AKAP7: variants seen among roughly 807,000 people sequenced by gnomAD.
AKAP7 encodes the protein A-kinase anchoring protein 7.
In AKAP7, 39 loss-of-function variants were observed where a neutral mutation model predicts 39.5. The observed-to-expected ratio is 0.99, with a 90% CI of 0.76 to 1.29. AKAP7 has a LOEUF of 1.29. Ranked by LOEUF, AKAP7 falls within the 50% of genes most tolerant of loss-of-function variation. AKAP7 has a pLI of 0.00. For synonymous variants in AKAP7, 140 were observed against 139.1 expected (o/e 1.01, Z -0.05); for missense variants, 414 against 407.7 (o/e 1.02, Z -0.13).
intron 7 of AKAP7, among the ~76,000 whole-genome samples, chr6:131,231,596 A>G (rs867453279): frequency 6.6e-6 from 1 of 152,146 alleles, no homozygotes; most frequent in Non-Finnish European, 1.5e-5. Context: ...ACTACAAGGT[A>G]TTTATTTATT....
intron 1 of AKAP7, among the ~76,000 whole-genome samples, chr6:131,136,371 A>T (rs758864887): frequency 1.3e-5 from 2 of 152,230 alleles, no homozygotes; most frequent in South Asian, 4.1e-4. Context: ...GGGTCCGCAA[A>T]CCAATTAGAG....
At chr6:131,160,454 C>A (rs1433617156) in intron 3 of AKAP7, among the ~76,000 whole-genome samples, 9 of 152,368 alleles carry the variant, frequency 5.9e-5, no homozygotes, top group African/African-American at 2.2e-4. Flanking sequence ...TCATAGCTCA[C>A]TGCAGCTTTG....
chr6:131,180,417 C>CA (rs1475588585), intron 5 of AKAP7, among the ~76,000 whole-genome samples: 3 of 152,126 alleles, frequency 2.0e-5, no homozygotes, highest in Non-Finnish European at 4.4e-5. Context: ...AAACAAAAAA[C>CA]AAAGTTAAAA....
chr6:131,151,833 C>T (rs1426331472), intron 2 of AKAP7, among the ~76,000 whole-genome samples: 1 of 152,154 alleles, frequency 6.6e-6, no homozygotes, highest in East Asian at 1.9e-4. Context: ...AAGATTTTAG[C>T]TGCCTAAATA....
intron 7 of AKAP7, among the ~76,000 whole-genome samples, chr6:131,253,937 C>G (rs1027003208): frequency 1.3e-5 from 2 of 152,002 alleles, no homozygotes; most frequent in Admixed American, 6.6e-5. Flanking sequence ...CAGTAAACAT[C>G]GGGGTGCAGG....
At chr6:131,245,243 CTT>C (rs1240021057) in intron 7 of AKAP7, among the ~76,000 whole-genome samples, 3 of 135,198 alleles carry the variant, frequency 2.2e-5, no homozygotes. Context: ...GAGTTGAATT[CTT>C]TTTTTTTTTT....
intron 5 of AKAP7, among the ~76,000 whole-genome samples, chr6:131,189,393 A>G (rs1806183545): frequency 6.6e-6 from 1 of 152,224 alleles, no homozygotes; most frequent in African/African-American, 2.4e-5. Context: ...GATTATTCTC[A>G]AATTGGAGAT....
At chr6:131,126,248 C>G in the AKAP7 span, among the ~76,000 whole-genome samples, 1 of 152,138 alleles carries the variant, frequency 6.6e-6, no homozygotes, top group Non-Finnish European at 1.5e-5. Flanking sequence ...GCTGTCTTTT[C>G]TTTCTTGCTT....
chr6:131,278,577 G>C (rs1814936050), intron 7 of AKAP7, among the ~76,000 whole-genome samples: 1 of 152,166 alleles, frequency 6.6e-6, no homozygotes, highest in Admixed American at 6.5e-5. Context: ...AAGCATGGCT[G>C]GGGAAGCCTC....
intron 7 of AKAP7, among the ~76,000 whole-genome samples, chr6:131,220,696 T>C (rs1051582367): frequency 3.3e-5 from 5 of 152,212 alleles, no homozygotes; most frequent in African/African-American, 1.2e-4. Context: ...CCTGTATCAA[T>C]TGTCTTTCTG....
At chr6:131,170,300 A>T (rs184098886) in intron 5 of AKAP7, among the ~76,000 whole-genome samples, 10,636 of 92,268 alleles carry the variant, frequency 0.12, 520 homozygotes, top group Middle Eastern at 0.2. Flanking sequence ...AGTATAATTT[A>T]AAAAAAAAAG....
Position 131,201,624 on chromosome 6 carries a change from T to C in AKAP7, c.702+2051T>C, listed in dbSNP as rs552438831. On this transcript the variant is annotated intron_variant, in intron 6 of 7. Transcript: ENST00000431975. ...AGATCCCATTTGTCAATTTTGGCTTTTGTTGCCATTGCTTTTGGTGTTTTA... is the reference window on the plus strand; with the variant it reads ...AGATCCCATTTGTCAATTTTGGCTTCTGTTGCCATTGCTTTTGGTGTTTTA... Among the ~76,000 whole-genome samples, 5 of 152,256 alleles carry C rather than the reference T, an allele frequency of 3.3e-5. 1 individual carries two copies. The highest frequency in any genetic ancestry group is 5.9e-5 in the Non-Finnish European group (4 of 68,010).
intron 1 of AKAP7, among the ~76,000 whole-genome samples, chr6:131,141,600 G>C (rs530693288): frequency 6.6e-6 from 1 of 152,198 alleles, no homozygotes; most frequent in Non-Finnish European, 1.5e-5. Flanking sequence ...ATGGGCAGGG[G>C]TTAGAAGAGT....
intron 2 of AKAP7, among the ~76,000 whole-genome samples, chr6:131,151,829 T>G (rs1284196031): frequency 6.6e-6 from 1 of 152,238 alleles, no homozygotes; most frequent in African/African-American, 2.4e-5. Context: ...TTTGAAGATT[T>G]TAGCTGCCTA....
intron 7 of AKAP7, chr6:131,242,259 A>C (rs1348707043): frequency 3.3e-6 from 3 of 921,972 alleles, no homozygotes; most frequent in Non-Finnish European, 3.9e-6. Flanking sequence ...ATTTGGTACC[A>C]AAGAACCATA....
chr6:131,282,676 A>T lies in AKAP7; in HGVS notation c.*950A>T. The stretch of plus-strand genomic sequence containing the variant: ...CTTATTAAGTAGCTCTTTGGTAAAC[A>T]CCAAAGAAGTTTCTGATAGTGTCTG... On this transcript the variant is annotated 3_prime_UTR_variant, in exon 8 of 8. Coordinates refer to ENST00000431975, the MANE Select transcript of AKAP7 (RefSeq NM_016377.4). 3.8e-6 allele frequency: 5 copies of T among 1,312,154 alleles called. No individual in the cohort carries two copies. The South Asian group carries it at 7.2e-5, about 19-fold the overall frequency. The allele number at this position is 1,312,154 out of a possible 1,614,324, so 81.3% of individuals were successfully genotyped here.
At chr6:131,228,861 G>A (rs904984447) in intron 7 of AKAP7, among the ~76,000 whole-genome samples, 1 of 152,126 alleles carries the variant, frequency 6.6e-6, no homozygotes, top group African/African-American at 2.4e-5. Context: ...AATCTAGACA[G>A]TTGCAACTAA....
chr6:131,194,796 T>A (rs1312969868), intron 5 of AKAP7, among the ~76,000 whole-genome samples: 2 of 152,160 alleles, frequency 1.3e-5, no homozygotes, highest in East Asian at 3.8e-4. Context: ...ATGACCTTCT[T>A]TGCCTCTTCT....
intron 5 of AKAP7, among the ~76,000 whole-genome samples, chr6:131,192,256 G>T (rs1806482288): frequency 6.6e-6 from 1 of 152,092 alleles, no homozygotes; most frequent in South Asian, 2.1e-4. Context: ...ATTTTGATTT[G>T]ATTTTTGTAT....
Sources: gnomAD v4.1 joint callset for allele counts (sites outside exome capture counted in the v4.1 genomes callset) on GRCh38, gnomAD v4.1.1 for gene constraint, MANE v1.5 for transcripts, NCBI Gene and HGNC (gene_info 2026-07-23, HGNC 2026-07-21) for gene names.